CXADR: variants seen among roughly 807,000 people sequenced by gnomAD.
CXADR encodes the protein CXADR cell adhesion molecule, also known as coxsackievirus and adenovirus receptor.
In CXADR, 20 loss-of-function variants were observed where a neutral mutation model predicts 40.3. That is an observed-to-expected ratio of 0.50 (90% CI 0.35 to 0.72). The LOEUF (loss-of-function observed/expected upper bound fraction) is 0.72. Ranked by LOEUF, CXADR falls within the 30% of genes least tolerant of loss-of-function variation. CXADR has a pLI of 0.01. For synonymous variants in CXADR, 150 were observed against 161.3 expected (o/e 0.93, Z 0.53); for missense variants, 332 against 449.1 (o/e 0.74, Z 2.36).
At chr21:17,596,320 T>C (rs529927628), downstream of CXADR, among the ~76,000 whole-genome samples, 1 of 152,036 alleles carries the variant, frequency 6.6e-6, no homozygotes, top group Non-Finnish European at 1.5e-5. Context: ...TTTTTTCCCT[T>C]ATTAGTTACT....
chr21:17,570,016 T>G lies in CXADR; in HGVS notation c.*4324T>G. On this transcript the variant is annotated 3_prime_UTR_variant, in exon 7 of 7. Transcript: ENST00000284878. Reference sequence around the variant, plus strand: ...TATCCAATGGTGCAGATTTTGAAATTTGTAAGAACAAAATTTGTTAAGAAA... The same window carrying G: ...TATCCAATGGTGCAGATTTTGAAATGTGTAAGAACAAAATTTGTTAAGAAA... The G allele has an allele frequency of 8.1e-6, 8 of 985,424 alleles. No homozygotes were observed. The highest frequency in any genetic ancestry group is 9.6e-6 in the Non-Finnish European group (8 of 829,912). The allele number at this position is 985,424 out of a possible 1,614,324, so 61.0% of individuals were successfully genotyped here.
chr21:17,547,543 A>C (rs1184414160), intron 2 of CXADR, among the ~76,000 whole-genome samples: 1 of 152,208 alleles, frequency 6.6e-6, no homozygotes, highest in African/African-American at 2.4e-5. Flanking sequence ...ACGTTGAGAC[A>C]GGAGTGTGTG....
At chr21:17,516,161 C>G (rs1186658742) in intron 1 of CXADR, among the ~76,000 whole-genome samples, 2 of 152,100 alleles carry the variant, frequency 1.3e-5, no homozygotes. Context: ...ACCAAGCAAC[C>G]CGAGAGGGTA....
At chr21:17,575,738 C>T (rs182806082) in intron 7 of CXADR, among the ~76,000 whole-genome samples, 1 of 151,144 alleles carries the variant, frequency 6.6e-6, no homozygotes, top group Non-Finnish European at 1.5e-5. Context: ...CGTGATCCAC[C>T]CACCTCAGCC....
intron 7 of CXADR, among the ~76,000 whole-genome samples, chr21:17,586,845 G>A (rs959974094): frequency 1.8e-4 from 27 of 152,054 alleles, no homozygotes; most frequent in Non-Finnish European, 3.5e-4. Flanking sequence ...TCATTAACTC[G>A]TCATTTAACA....
At chr21:17,542,728 A>G (rs972385203) in intron 1 of CXADR, among the ~76,000 whole-genome samples, 4 of 152,254 alleles carry the variant, frequency 2.6e-5, no homozygotes, top group Non-Finnish European at 4.4e-5. Context: ...ATAAATTTGA[A>G]TAAAATTGTA....
chr21:17,578,400 T>C (rs1188102650), intron 7 of CXADR, among the ~76,000 whole-genome samples: 1 of 152,192 alleles, frequency 6.6e-6, no homozygotes, highest in African/African-American at 2.4e-5. Context: ...TAAGAGTGTG[T>C]AGAGTGAGAA....
the CXADR span, chr21:17,605,145 G>C: frequency 3.4e-6 from 3 of 888,768 alleles, no homozygotes; most frequent in Non-Finnish European, 4.8e-6. Context: ...ATCCTAAACA[G>C]ATAATAAATG....
chr21:17,625,225 AT>A, the CXADR span, among the ~76,000 whole-genome samples: 383 of 148,990 alleles, frequency 2.6e-3, 7 homozygotes, highest in Non-Finnish European at 3.8e-3. Flanking sequence ...CTAAGGAACT[AT>A]TTTTTTTTTT....
At chr21:17,518,380 AG>A in intron 1 of CXADR, 1 of 450,480 alleles carries the variant, frequency 2.2e-6, no homozygotes, top group Non-Finnish European at 4.1e-6. Context: ...ATCAAATGAC[AG>A]AAAAATGCTG....
downstream of CXADR, among the ~76,000 whole-genome samples, chr21:17,595,290 C>A (rs2061490052): frequency 1.3e-5 from 2 of 152,064 alleles, no homozygotes; most frequent in Admixed American, 1.3e-4. Context: ...ATCTGCATTT[C>A]TAAGTATAGG....
the CXADR span, among the ~76,000 whole-genome samples, chr21:17,610,214 T>C: frequency 6.6e-6 from 1 of 152,180 alleles, no homozygotes; most frequent in Non-Finnish European, 1.5e-5. Context: ...AGGGTTACTT[T>C]TTGAGGTGAT....
chr21:17,615,783 T>C, the CXADR span, among the ~76,000 whole-genome samples: 5 of 152,220 alleles, frequency 3.3e-5, no homozygotes, highest in African/African-American at 9.6e-5. Flanking sequence ...CTAATATGTC[T>C]AGGGCTTTAT....
At chr21:17,578,729 T>G (rs868529352) in intron 7 of CXADR, among the ~76,000 whole-genome samples, 22 of 152,136 alleles carry the variant, frequency 1.4e-4, no homozygotes, top group South Asian at 4.1e-4. Flanking sequence ...CTCAGGAGGC[T>G]GAGGTGGGAG....
chr21:17,539,252 C>T (rs1266019319), intron 1 of CXADR, among the ~76,000 whole-genome samples: 1 of 152,184 alleles, frequency 6.6e-6, no homozygotes, highest in East Asian at 1.9e-4. Context: ...GTCCCCCTGC[C>T]TCCAAATCAA....
rs926815064 is a variant in CXADR, at chr21:17,568,222, A to G, written c.*2530A>G. Reference sequence around the variant, plus strand: ...CGGCTCACTGCAAGCTCCGCCTCCCAGGTTCACGCCATTCTCCTGCCTCAG... The same window carrying G: ...CGGCTCACTGCAAGCTCCGCCTCCCGGGTTCACGCCATTCTCCTGCCTCAG... On this transcript the variant is annotated 3_prime_UTR_variant, in exon 7 of 7. Transcript: ENST00000284878. 72 of 913,688 alleles carry G rather than the reference A, an allele frequency of 7.9e-5. No individual in the cohort carries two copies. The Admixed American group carries it at 1.6e-3, about 20-fold the overall frequency. The allele number at this position is 913,688 out of a possible 1,614,324, so 56.6% of individuals were successfully genotyped here.
chr21:17,546,986 G>A (rs532287937), intron 1 of CXADR, 41 bp from the exon 2 acceptor site: 277 of 1,606,734 alleles, frequency 1.7e-4, no homozygotes, highest in Non-Finnish European at 2.2e-4. Context: ...GGCTGTCAGC[G>A]TATAGCAAAT....
chr21:17,578,086 A>C (rs767803099), intron 7 of CXADR, among the ~76,000 whole-genome samples: 1 of 152,162 alleles, frequency 6.6e-6, no homozygotes, highest in Non-Finnish European at 1.5e-5. Context: ...TGAACATAGG[A>C]GTGCAAATAG....
At chr21:17,593,824 A>G (rs988324434), downstream of CXADR, 3 of 390,928 alleles carry the variant, frequency 7.7e-6, no homozygotes, top group Admixed American at 1.3e-4. Flanking sequence ...CGTATCCAAC[A>G]GAGTTGATGC....
Sources: allele counts gnomAD v4.1 joint callset (sites outside exome capture counted in the v4.1 genomes callset), GRCh38; gene constraint gnomAD v4.1.1; transcripts MANE v1.5; gene names NCBI Gene and HGNC (gene_info 2026-07-23, HGNC 2026-07-21).